LEPROTL1: variants seen among roughly 807,000 people sequenced by gnomAD.
LEPROTL1 encodes the protein leptin receptor overlapping transcript like 1.
In LEPROTL1, 6 loss-of-function variants were observed where a neutral mutation model predicts 15.4. The observed-to-expected ratio is 0.39, with a 90% CI of 0.21 to 0.77. LEPROTL1 has a LOEUF of 0.77. Among genes scored for constraint, LEPROTL1 ranks in the 30% least tolerant of loss-of-function variants. The pLI is 0.41. For missense variants in LEPROTL1, 128 were observed against 158.1 expected (o/e 0.81, Z 1.02); for synonymous variants, 56 against 52.6 (o/e 1.06, Z -0.28).
intron 1 of LEPROTL1, among the ~76,000 whole-genome samples, chr8:30,098,395 G>GA (rs1413676807): frequency 6.6e-6 from 1 of 152,184 alleles, no homozygotes; most frequent in Non-Finnish European, 1.5e-5. Context: ...TCACGAAAAT[G>GA]AGTTAGTATA....
At chr8:30,128,120 G>T (rs531093472) in intron 3 of LEPROTL1, among the ~76,000 whole-genome samples, 2 of 152,254 alleles carry the variant, frequency 1.3e-5, no homozygotes, top group South Asian at 4.1e-4. Context: ...TTGGATCCGG[G>T]CTGTCCTCTG....
chr8:30,132,751 C>T (rs1803053620), intron 4 of LEPROTL1: 1 of 1,551,740 alleles, frequency 6.4e-7, no homozygotes, highest in East Asian at 2.4e-5. Context: ...GAGCAAGTAG[C>T]TGAAATAGGG....
chr8:30,121,096 G>A (rs10954872), intron 3 of LEPROTL1, among the ~76,000 whole-genome samples: 113,540 of 151,972 alleles, frequency 0.75, 44,369 homozygotes, highest in Non-Finnish European at 0.86. Flanking sequence ...TTGATAAGCT[G>A]TATATTGTTT....
At chr8:30,118,166 A>G (rs1802773687) in intron 3 of LEPROTL1, among the ~76,000 whole-genome samples, 1 of 151,816 alleles carries the variant, frequency 6.6e-6, no homozygotes, top group Non-Finnish European at 1.5e-5. Flanking sequence ...CTGGGATTAC[A>G]GGCACCCGCC....
At chr8:30,134,123 T>C (rs976851126) in intron 4 of LEPROTL1, among the ~76,000 whole-genome samples, 2 of 152,186 alleles carry the variant, frequency 1.3e-5, no homozygotes, top group Admixed American at 6.6e-5. Context: ...TATTTTTCTC[T>C]TAAAAAACTT....
At chr8:30,110,744 A>T (rs1802643522), downstream of LEPROTL1, among the ~76,000 whole-genome samples, 1 of 152,280 alleles carries the variant, frequency 6.6e-6, no homozygotes, top group South Asian at 2.1e-4. Flanking sequence ...AAAATAAAAA[A>T]AAAGCAAATA....
rs71204262 is a variant in LEPROTL1, at chr8:30,097,698, T to TACACACACAC, written c.16+2190_16+2199dup. 1.9e-3 allele frequency among the ~76,000 whole-genome samples: 211 copies of TACACACACAC among 108,742 alleles called. 2 individuals carry two copies. The highest frequency in any genetic ancestry group is 0.011 in the East Asian group (40 of 3,658). 71.3% of individuals were successfully genotyped at this position (108,742 alleles called of 152,430 possible). A position where few individuals can be genotyped will look rare whatever the true frequency, so the allele number is the denominator to read the frequency against. On this transcript the variant is annotated intron_variant, in intron 1 of 3. Coordinates refer to ENST00000321250, the MANE Select transcript of LEPROTL1 (RefSeq NM_015344.3). ...AAAAAAAAAAAAATATATATATATATACACACACACACACACACACACACA... is the reference window on the plus strand; with the variant it reads ...AAAAAAAAAAAAATATATATATATATACACACACACACACACACACACACACACACACACA...
downstream of LEPROTL1, among the ~76,000 whole-genome samples, chr8:30,112,360 C>T (rs1013438002): frequency 4.3e-4 from 62 of 144,492 alleles, 1 homozygote; most frequent in Middle Eastern, 7.9e-3. Flanking sequence ...CTTAGCCTCC[C>T]GAGTAGCTGG....
chr8:30,102,077 TGTTCACTTACCAAA>T lies in LEPROTL1; in HGVS notation c.92+105_92+118del, dbSNP rs1802475600. The T allele has an allele frequency of 1.3e-5, 8 of 637,508 alleles. No homozygotes were observed. The East Asian group carries it at 2.4e-4, about 19-fold the overall frequency. The allele number at this position is 637,508 out of a possible 1,614,324, so 39.5% of individuals were successfully genotyped here. A position where few individuals can be genotyped will look rare whatever the true frequency, so the allele number is the denominator to read the frequency against. Reference sequence around the variant, plus strand: ...CTACTGTAAAAGTAATGCAGAGAAATGTTCACTTACCAAACACATACCTTTGTAAAAATCACCAC... The same window carrying T: ...CTACTGTAAAAGTAATGCAGAGAAATCACATACCTTTGTAAAAATCACCAC... On this transcript the variant is annotated intron_variant, in intron 2 of 3. Transcript: ENST00000321250.
chr8:30,112,425 T>TTTTTTTTTTTTTTTTTTG (rs1283196967), downstream of LEPROTL1, among the ~76,000 whole-genome samples: 1 of 134,372 alleles, frequency 7.4e-6, no homozygotes, highest in Non-Finnish European at 1.6e-5. Flanking sequence ...TTTTTTTTTT[T>TTTTTTTTTTTTTTTTTTG]TTTTTTGGAT....
chr8:30,112,441 G>GTTTTTTTTTTTTTTTTTTTTTT (rs1563215906), downstream of LEPROTL1, among the ~76,000 whole-genome samples: 1 of 50,376 alleles, frequency 2.0e-5, no homozygotes, highest in Non-Finnish European at 4.8e-5. Flanking sequence ...TGGATTTTTG[G>GTTTTTTTTTTTTTTTTTTTTTT]TAGGCACAGG....
At chr8:30,101,376 C>T (rs1339360037) in intron 1 of LEPROTL1, among the ~76,000 whole-genome samples, 26 of 152,080 alleles carry the variant, frequency 1.7e-4, no homozygotes, top group African/African-American at 4.8e-5. Context: ...CTTTAAAAAT[C>T]GGTGTCACTG....
chr8:30,137,533 A>C, exon 5 of LEPROTL1: 1 of 1,447,098 alleles, frequency 6.9e-7, no homozygotes, highest in Non-Finnish European at 9.5e-7. Context: ...ACACTGCACC[A>C]TGTAGGCAAC....
rs1170156771 is a variant in LEPROTL1 at position 30,132,593 on chromosome 8, C to T, written c.394+104C>T. On this transcript the variant is annotated intron_variant, in intron 4 of 4. Coordinates refer to the LEPROTL1 transcript ENST00000442880. ...GCATCCACCACCCTGCTCACTGCCACGTTTAGGCATTCTAGTCCAAGAATC... is the reference window on the plus strand; with the variant it reads ...GCATCCACCACCCTGCTCACTGCCATGTTTAGGCATTCTAGTCCAAGAATC... 7.7e-6 allele frequency: 12 copies of T among 1,551,662 alleles called. No individual in the cohort carries two copies. The highest frequency in any genetic ancestry group is 1.7e-4 in the Middle Eastern group (1 of 6,014).
chr8:30,098,278 T>C (rs1235340843), intron 1 of LEPROTL1, among the ~76,000 whole-genome samples: 1 of 152,238 alleles, frequency 6.6e-6, no homozygotes, highest in East Asian at 1.9e-4. Context: ...CACTTAATTT[T>C]TGTTCTGGGT....
chr8:30,109,773 A>G (rs1290645918), downstream of LEPROTL1, among the ~76,000 whole-genome samples: 1 of 152,184 alleles, frequency 6.6e-6, no homozygotes, highest in African/African-American at 2.4e-5. Flanking sequence ...TACACAGTAC[A>G]TCAGTGGACT....
intron 1 of LEPROTL1, 60 bp downstream of exon 1, chr8:30,095,588 G>T (rs1036219588): frequency 2.3e-6 from 3 of 1,279,554 alleles, no homozygotes; most frequent in African/African-American, 1.6e-5. Context: ...TGGGCCGGGG[G>T]TCCCACGCGG....
intron 4 of LEPROTL1, among the ~76,000 whole-genome samples, chr8:30,133,344 T>A (rs910235685): frequency 6.6e-6 from 1 of 152,264 alleles, no homozygotes; most frequent in Admixed American, 6.5e-5. Context: ...GTTGTTTGAA[T>A]TTTTTGTAAT....
intron 4 of LEPROTL1, chr8:30,133,011 C>T: frequency 8.9e-7 from 1 of 1,118,600 alleles, no homozygotes; most frequent in South Asian, 1.8e-5. Context: ...TAGGTCTGTA[C>T]AGCTAAGATT....
Sources: gnomAD v4.1 joint callset for allele counts (sites outside exome capture counted in the v4.1 genomes callset) on GRCh38, gnomAD v4.1.1 for gene constraint, MANE v1.5 for transcripts, NCBI Gene and HGNC (gene_info 2026-07-23, HGNC 2026-07-21) for gene names.